Variants in SP3 observed in about 807,000 individuals in gnomAD.
The protein encoded by SP3 is transcription factor Sp3.
SP3 carries 10 observed loss-of-function variants against 70.3 expected under a neutral mutation model. The observed-to-expected ratio is 0.14, with a 90% CI of 0.09 to 0.24. The LOEUF (loss-of-function observed/expected upper bound fraction) is 0.24, where lower values mean the gene tolerates loss of function less well. SP3 is among the 10% of genes least tolerant of loss of function. SP3 has a pLI of 1.00. For synonymous variants in SP3, 402 were observed against 333.5 expected (o/e 1.21, Z -2.24); for missense variants, 825 against 914.6 (o/e 0.90, Z 1.26).
chr2:173,919,657 A>G (rs1251820608), intron 4 of SP3, among the ~76,000 whole-genome samples: 1 of 152,184 alleles, frequency 6.6e-6, no homozygotes, highest in Non-Finnish European at 1.5e-5. Context: ...TCACAATGAG[A>G]TATCATTACA....
chr2:173,943,163 T>C (rs1187577962), intron 4 of SP3, among the ~76,000 whole-genome samples: 1 of 152,212 alleles, frequency 6.6e-6, no homozygotes, highest in African/African-American at 2.4e-5. Flanking sequence ...TTTAAATACA[T>C]AAATTATATC....
intron 3 of SP3, chr2:173,963,511 C>T (rs770519561): frequency 1.3e-5 from 2 of 154,386 alleles, no homozygotes; most frequent in African/African-American, 2.4e-5. Flanking sequence ...AGTCCTCTAC[C>T]CCCGCCCTCT....
At chr2:173,959,974 A>G (rs1323407191) in intron 3 of SP3, among the ~76,000 whole-genome samples, 1 of 152,184 alleles carries the variant, frequency 6.6e-6, no homozygotes, top group Non-Finnish European at 1.5e-5. Flanking sequence ...GTTCAAGACC[A>G]GCCTAGGCAA....
At chr2:173,948,598 G>A (rs1431647878) in intron 4 of SP3, among the ~76,000 whole-genome samples, 1 of 152,036 alleles carries the variant, frequency 6.6e-6, no homozygotes, top group Non-Finnish European at 1.5e-5. Context: ...TGTATATGCA[G>A]TATAATTATG....
rs1299228062 is a variant in SP3, at chr2:173,904,396, C to T, written c.*5545G>A. 6.6e-6 allele frequency among the ~76,000 whole-genome samples: 1 copy of T among 152,154 alleles called. No individual in the cohort carries two copies. The highest frequency in any genetic ancestry group is 2.4e-5 in the African/African-American group (1 of 41,414). Reference sequence around the variant, plus strand: ...GTTGGCATTATTTGGTAGCAAGTAACAGCCTTCTGACTTAAGAAAAAACTA... The same window carrying T: ...GTTGGCATTATTTGGTAGCAAGTAATAGCCTTCTGACTTAAGAAAAAACTA... On this transcript the variant is annotated 3_prime_UTR_variant, in exon 7 of 7. Coordinates refer to ENST00000310015, the MANE Select transcript of SP3 (RefSeq NM_003111.5).
intron 3 of SP3, among the ~76,000 whole-genome samples, chr2:173,961,947 T>TTTTG (rs1691099714): frequency 6.6e-6 from 1 of 150,970 alleles, no homozygotes; most frequent in African/African-American, 2.4e-5. Context: ...TTTTTTTTTT[T>TTTTG]TTTTTTTTTT....
At chr2:173,938,226 G>A (rs1157797553) in intron 4 of SP3, among the ~76,000 whole-genome samples, 1 of 152,058 alleles carries the variant, frequency 6.6e-6, no homozygotes, top group Non-Finnish European at 1.5e-5. Flanking sequence ...GGAGGCCAAG[G>A]AGGGTGGATC....
Position 173,965,333 on chromosome 2 carries a change from A to G in SP3, c.-162T>C. 2 of 804,016 alleles carry G rather than the reference A, an allele frequency of 2.5e-6. No individual in the cohort carries two copies. The highest frequency in any genetic ancestry group is 2.0e-6 in the Non-Finnish European group (1 of 504,428). 49.8% of individuals were successfully genotyped at this position (804,016 alleles called of 1,614,324 possible). A position where few individuals can be genotyped will look rare whatever the true frequency, so the allele number is the denominator to read the frequency against. On this transcript the variant is annotated 5_prime_UTR_variant, in exon 1 of 7. Transcript: ENST00000310015. Reference sequence around the variant, plus strand: ...TTTGATTGACTGTGCGGGAAACACAAAAGGTGGAGCCTCCAGCCCAAAAGG... The same window carrying G: ...TTTGATTGACTGTGCGGGAAACACAGAAGGTGGAGCCTCCAGCCCAAAAGG...
intron 1 of SP3, 87 bp downstream of exon 1, chr2:173,965,078 A>C: frequency 6.6e-7 from 1 of 1,511,532 alleles, no homozygotes; most frequent in Non-Finnish European, 8.9e-7. Context: ...CGGGGCCGAG[A>C]CCGGCGGCAG....
rs894753053 is a variant in SP3 at position 173,960,266 on chromosome 2, G to A, written c.279+3495C>T. 2.0e-5 allele frequency among the ~76,000 whole-genome samples: 3 copies of A among 152,102 alleles called. No individual in the cohort carries two copies. The East Asian group carries it at 5.8e-4, about 29-fold the overall frequency. On this transcript the variant is annotated intron_variant, in intron 3 of 6. Coordinates refer to ENST00000310015, the MANE Select transcript of SP3 (RefSeq NM_003111.5). ...AAGTCTCTCTACATACAAATATACC[G>A]GTGGAAACGGAAAAAGAAAAAATTC...
intron 4 of SP3, among the ~76,000 whole-genome samples, chr2:173,924,983 G>A (rs548578371): frequency 6.6e-6 from 1 of 152,260 alleles, no homozygotes; most frequent in South Asian, 2.1e-4. Context: ...CACCTCCCAG[G>A]TTCAAACTAT....
At chr2:173,922,255 A>G (rs138888303) in intron 4 of SP3, among the ~76,000 whole-genome samples, 9 of 152,120 alleles carry the variant, frequency 5.9e-5, no homozygotes, top group African/African-American at 9.6e-5. Context: ...TCATGTGAGG[A>G]GCAAGAACAG....
At chr2:173,947,600 C>T (rs1047906440) in intron 4 of SP3, among the ~76,000 whole-genome samples, 1 of 152,126 alleles carries the variant, frequency 6.6e-6, no homozygotes, top group Admixed American at 6.6e-5. Flanking sequence ...TCTATAGATG[C>T]TATTGCTTCT....
At chr2:173,944,531 T>C (rs1401260191) in intron 4 of SP3, among the ~76,000 whole-genome samples, 2 of 152,154 alleles carry the variant, frequency 1.3e-5, no homozygotes. Flanking sequence ...TCAAAAAAAC[T>C]GTTAAGTTGA....
Position 173,900,776 on chromosome 2 carries a change from T to C in SP3, c.*9165A>G, listed in dbSNP as rs1689177426. Among the ~76,000 whole-genome samples the C allele has an allele frequency of 6.6e-6, 1 of 152,180 alleles. No individual in the cohort carries two copies. The highest frequency in any genetic ancestry group is 2.1e-4 in the South Asian group (1 of 4,830). ...AGTGCAATAAAGGATGTGTAAGGAT[T>C]TTCAAAGAGACAATAATTTATTTTT... On this transcript the variant is annotated 3_prime_UTR_variant, in exon 7 of 7. Coordinates refer to ENST00000310015, the MANE Select transcript of SP3 (RefSeq NM_003111.5).
Position 173,909,856 on chromosome 2 carries a change from TAAAA to T in SP3, c.*81_*84del. 7.2e-7 allele frequency: 1 copy of T among 1,398,368 alleles called. No individual in the cohort carries two copies. The highest frequency in any genetic ancestry group is 1.4e-5 in the South Asian group (1 of 72,500). The allele number at this position is 1,398,368 out of a possible 1,614,324, so 86.6% of individuals were successfully genotyped here. A position where few individuals can be genotyped will look rare whatever the true frequency, so the allele number is the denominator to read the frequency against. ...CAATCCAAAAATTTTTGCACATCAA[TAAAA>T]AGATATCTAAGAACTTAGGAACAAT... On this transcript the variant is annotated 3_prime_UTR_variant, in exon 7 of 7. Transcript: ENST00000310015.
chr2:173,965,598 G>C (rs1422688977), upstream of SP3: 1 of 209,504 alleles, frequency 4.8e-6, no homozygotes, highest in African/African-American at 2.4e-5. Context: ...TCCCTCGCCG[G>C]CTGCCGCTGC....
chr2:173,949,843 T>C (rs1422641535), intron 4 of SP3, among the ~76,000 whole-genome samples: 1 of 152,198 alleles, frequency 6.6e-6, no homozygotes, highest in Non-Finnish European at 1.5e-5. Flanking sequence ...CCTGACTCCA[T>C]TTTAAATGTG....
intron 4 of SP3, among the ~76,000 whole-genome samples, chr2:173,922,484 G>A (rs1689782923): frequency 6.6e-6 from 1 of 151,862 alleles, no homozygotes; most frequent in Non-Finnish European, 1.5e-5. Flanking sequence ...TTGGAGTTCA[G>A]GTAGAAATCT....
Sources: allele counts gnomAD v4.1 joint callset (sites outside exome capture counted in the v4.1 genomes callset), GRCh38; gene constraint gnomAD v4.1.1; transcripts MANE v1.5; gene names NCBI Gene and HGNC (gene_info 2026-07-23, HGNC 2026-07-21).